Variants in CDK17 observed in about 807,000 individuals in gnomAD.
CDK17 encodes the protein cyclin-dependent kinase 17.
Under a neutral mutation model 77.6 loss-of-function variants are expected in CDK17, and 24 were observed. The observed-to-expected ratio is 0.31, with a 90% CI of 0.22 to 0.44. The LOEUF is 0.44. Ranked by LOEUF, CDK17 falls within the 20% of genes least tolerant of loss-of-function variation. The pLI is 1.00. For missense variants in CDK17, 429 were observed against 622.5 expected (o/e 0.69, Z 3.31); for synonymous variants, 203 against 210.4 (o/e 0.96, Z 0.30).
At chr12:96,302,945 T>C (rs905592828) in intron 5 of CDK17, 1 of 152,180 alleles carries the variant, frequency 6.6e-6, no homozygotes, top group Non-Finnish European at 1.5e-5. Context: ...CACTAGTGAA[T>C]TGTCTGTCAG....
chr12:96,297,794 G>C, intron 7 of CDK17, 73 bp from the exon 8 acceptor site: 1 of 798,324 alleles, frequency 1.3e-6, no homozygotes, highest in Non-Finnish European at 2.1e-6. Context: ...TTGAACATAC[G>C]AACTGATTAA....
chr12:96,353,152 T>A (rs1287550802), intron 1 of CDK17, among the ~76,000 whole-genome samples: 1 of 152,238 alleles, frequency 6.6e-6, no homozygotes, highest in Admixed American at 6.5e-5. Flanking sequence ...TTACAAAACC[T>A]AATGTTCCAA....
Position 96,334,748 on chromosome 12 carries a change from G to A in CDK17, c.89C>T (p.Thr30Ile), listed in dbSNP as rs1210586515. ...ATCCTTGCTGCTGTTTTCTTCAATA[G>A]TCATTTGTTCAGCCAATTCAGACAA... ...ESLSELAEQM[T>I]IEENSSKDNE... The change falls in exon 2 of 17, where the codon ACT becomes ATT. Residue 30 changes from threonine to isoleucine, a missense_variant. Thr to Ile is a moderately conservative substitution (Grantham distance 89). Transcript: ENST00000261211. 8.1e-6 allele frequency: 13 copies of A among 1,606,824 alleles called. No homozygotes were observed. Among genetic ancestry groups the A allele is most frequent in the Non-Finnish European group, 1.1e-5 (13 of 1,173,772 alleles).
At chr12:96,301,896 A>T (rs769348051) in intron 5 of CDK17, among the ~76,000 whole-genome samples, 26 of 152,156 alleles carry the variant, frequency 1.7e-4, no homozygotes, top group Non-Finnish European at 3.5e-4. Context: ...AACTGTTTTT[A>T]TCTTTTTGTT....
Position 96,324,059 on chromosome 12 carries a change from G to A in CDK17, c.172C>T (p.Leu58Phe), listed in dbSNP as rs1484189159. 6 of 1,610,950 alleles carry A rather than the reference G, an allele frequency of 3.7e-6. No homozygotes were observed. The highest frequency in any genetic ancestry group is 5.1e-6 in the Non-Finnish European group (6 of 1,178,612). Residue 58 changes from leucine to phenylalanine, a missense_variant, in exon 3 of 17, where the codon CTC becomes TTC. This residue lies in a region of CDK17 where 262 missense variants were observed against 385.4 expected (regional missense o/e 0.68). Transcript: ENST00000261211. ...PPTSHSMHSF[L>F]HQYTGSFKKP... Reference sequence around the variant, plus strand: ...TTGAAAGATCCTGTGTACTGGTGGAGGAAGGAATGCATACTGTGAGACGTT... The same window carrying A: ...TTGAAAGATCCTGTGTACTGGTGGAAGAAGGAATGCATACTGTGAGACGTT...
intron 1 of CDK17, among the ~76,000 whole-genome samples, chr12:96,367,326 C>T (rs922725222): frequency 1.9e-4 from 19 of 99,372 alleles, no homozygotes; most frequent in African/African-American, 6.9e-4. Context: ...GCCTGGGTGA[C>T]AGAATGAGAC....
At chr12:96,394,725 C>T (rs1045117746) in intron 1 of CDK17, among the ~76,000 whole-genome samples, 3 of 142,898 alleles carry the variant, frequency 2.1e-5, no homozygotes, top group Non-Finnish European at 4.5e-5. Context: ...GGCTGAGGCA[C>T]GAGAATAGCT....
At chr12:96,391,461 T>TGG in intron 1 of CDK17, among the ~76,000 whole-genome samples, 1 of 113,262 alleles carries the variant, frequency 8.8e-6, no homozygotes, top group African/African-American at 4.3e-5. Flanking sequence ...GGCTAATTTT[T>TGG]TGTATTTTTA....
Position 96,283,626 on chromosome 12 carries a change from C to A in CDK17, c.1342G>T (p.Glu448Ter). The change falls in exon 14 of 17, where the codon GAG becomes TAG. Residue 448 changes from glutamate (E) to a stop codon, truncating the protein, a stop_gained. Transcript: ENST00000261211. LOFTEE classifies it high-confidence loss of function. Reference protein sequence around the residue: ...HAPRLDSEGIELITKFLQYES... With the variant: ...HAPRLDSEGI ...ACCTGAAGAAATTTTGTTATCAACT[C>A]AATTCCTTCAGAGTCTAACCTAGAA... The A allele has an allele frequency of 6.2e-7, 1 of 1,600,516 alleles. No homozygotes were observed. The highest frequency in any genetic ancestry group is 8.6e-7 in the Non-Finnish European group (1 of 1,168,982).
chr12:96,361,300 A>G (rs1190054421), intron 1 of CDK17, among the ~76,000 whole-genome samples: 4 of 152,204 alleles, frequency 2.6e-5, no homozygotes, highest in Non-Finnish European at 4.4e-5. Flanking sequence ...GTTGCTGTGG[A>G]GACATGAACA....
At chr12:96,340,979 C>G (rs533533638) in intron 1 of CDK17, among the ~76,000 whole-genome samples, 58 of 151,992 alleles carry the variant, frequency 3.8e-4, no homozygotes, top group African/African-American at 1.4e-3. Flanking sequence ...GTTTTTTTAT[C>G]CTCTCCCTCC....
At chr12:96,391,736 C>A (rs369278720) in intron 1 of CDK17, among the ~76,000 whole-genome samples, 1 of 152,022 alleles carries the variant, frequency 6.6e-6, no homozygotes, top group Non-Finnish European at 1.5e-5. Flanking sequence ...GAAGGCCACA[C>A]CCCTTTTCTC....
At chr12:96,301,645 T>C (rs1156933421) in intron 5 of CDK17, among the ~76,000 whole-genome samples, 1 of 152,154 alleles carries the variant, frequency 6.6e-6, no homozygotes, top group Non-Finnish European at 1.5e-5. Flanking sequence ...AAAAAGCCAG[T>C]TAAAGGAAAT....
intron 16 of CDK17, 43 bp from the exon 17 acceptor site, chr12:96,280,322 T>C (rs1423388739): frequency 6.5e-7 from 1 of 1,546,144 alleles, no homozygotes; most frequent in South Asian, 1.2e-5. Flanking sequence ...AAGGTTCAGT[T>C]TTATCCCACA....
chr12:96,394,580 C>A (rs1214284249), intron 1 of CDK17, among the ~76,000 whole-genome samples: 8 of 151,756 alleles, frequency 5.3e-5, no homozygotes, highest in Admixed American at 5.2e-4. Flanking sequence ...TTTGGGAGAC[C>A]GAGGTGCACA....
intron 3 of CDK17, among the ~76,000 whole-genome samples, chr12:96,323,302 A>T (rs71460342): frequency 0.05 from 7,555 of 150,378 alleles, 261 homozygotes; most frequent in Non-Finnish European, 0.063. Flanking sequence ...AAACAAACAA[A>T]CAAATTAGCC....
chr12:96,335,878 T>C (rs1394145204), intron 1 of CDK17, among the ~76,000 whole-genome samples: 2 of 152,216 alleles, frequency 1.3e-5, no homozygotes, highest in Admixed American at 6.5e-5. Context: ...CAGATTGCCA[T>C]GCACACTATA....
intron 2 of CDK17, among the ~76,000 whole-genome samples, chr12:96,334,193 C>T (rs527260809): frequency 6.6e-6 from 1 of 152,172 alleles, no homozygotes; most frequent in Non-Finnish European, 1.5e-5. Flanking sequence ...GAATATGTAG[C>T]CTTCCTCTAG....
At chr12:96,347,698 ATT>A (rs1953243566) in intron 1 of CDK17, among the ~76,000 whole-genome samples, 1 of 151,766 alleles carries the variant, frequency 6.6e-6, no homozygotes, top group Non-Finnish European at 1.5e-5. Flanking sequence ...TACCTATTGT[ATT>A]AGACCTATCA....
Sources: gnomAD v4.1 joint callset for allele counts (sites outside exome capture counted in the v4.1 genomes callset) on GRCh38, gnomAD v4.1.1 for gene constraint, gnomAD v4.1.1 regional missense constraint, MANE v1.5 for transcripts, NCBI Gene and HGNC (gene_info 2026-07-23, HGNC 2026-07-21) for gene names.